The following MRPS6 variants were observed in gnomAD, a reference collection of about 807,000 sequenced individuals.
MRPS6 encodes small ribosomal subunit protein bS6m.
In MRPS6, 6 loss-of-function variants were observed where a neutral mutation model predicts 13.1. The ratio of observed to expected loss-of-function variants is 0.46; its 90% confidence interval spans 0.25 to 0.91. The LOEUF (loss-of-function observed/expected upper bound fraction) is 0.91, where lower values mean the gene tolerates loss of function less well. Among genes scored for constraint, MRPS6 ranks in the 40% least tolerant of loss-of-function variants. The pLI is 0.18. For synonymous variants in MRPS6, 61 were observed against 56.5 expected (o/e 1.08, Z -0.36); for missense variants, 164 against 155.6 (o/e 1.05, Z -0.29).
At chr21:34,100,104 G>T in intron 1 of MRPS6, 2 of 998,986 alleles carry the variant, frequency 2.0e-6, no homozygotes, top group Non-Finnish European at 2.4e-6. Flanking sequence ...CTCAAGCTAA[G>T]GTTCAGAATT....
At chr21:34,098,388 A>T in intron 1 of MRPS6, 1 of 1,000,264 alleles carries the variant, frequency 1.0e-6, no homozygotes, top group Admixed American at 6.1e-5. Context: ...TTAGATCATG[A>T]TATATCAAGG....
At chr21:34,080,015 C>G (rs930304644) in intron 1 of MRPS6, among the ~76,000 whole-genome samples, 1 of 152,190 alleles carries the variant, frequency 6.6e-6, no homozygotes, top group African/African-American at 2.4e-5. Context: ...GCCATATAGT[C>G]TTCTCTGCCC....
chr21:34,142,493 G>A lies in MRPS6; in HGVS notation c.271G>A (p.Gly91Arg). 2 of 1,613,130 alleles carry A rather than the reference G, an allele frequency of 1.2e-6. No individual in the cohort carries two copies. The highest frequency in any genetic ancestry group is 1.7e-6 in the Non-Finnish European group (2 of 1,179,616). The change falls in exon 3 of 3, where the codon GGG becomes AGG. Residue 91 changes from glycine (G) to arginine (R), a missense_variant. Coordinates refer to ENST00000399312, the MANE Select transcript of MRPS6 (RefSeq NM_032476.4). ...GTCTCGAGATATAGATGTGATTAGA[G>A]GGAATATTGTCAAACACCCTCTGAC... ...HLSRDIDVIRGNIVKHPLTQE... is the reference protein window; with the variant it reads ...HLSRDIDVIRRNIVKHPLTQE...
intron 1 of MRPS6, among the ~76,000 whole-genome samples, chr21:34,106,496 T>C (rs190453891): frequency 6.8e-4 from 103 of 152,332 alleles, no homozygotes; most frequent in Non-Finnish European, 1.2e-3. Flanking sequence ...ATATTCTTAA[T>C]TTTTTCACTT....
intron 1 of MRPS6, among the ~76,000 whole-genome samples, chr21:34,078,692 C>G (rs546250549): frequency 6.6e-6 from 1 of 152,024 alleles, no homozygotes; most frequent in Non-Finnish European, 1.5e-5. Context: ...GTTTGTACTA[C>G]TACATGTTTA....
At chr21:34,097,742 ATT>A in intron 1 of MRPS6, 2 of 1,001,162 alleles carry the variant, frequency 2.0e-6, no homozygotes. Context: ...TCATTTCTAA[ATT>A]TTTTTTTCTG....
chr21:34,124,294 G>A (rs1345643331), intron 1 of MRPS6: 3 of 152,120 alleles, frequency 2.0e-5, no homozygotes, highest in Admixed American at 2.0e-4. Context: ...ACCAGATTGT[G>A]GTGCCCTTCT....
At chr21:34,106,171 G>A in intron 1 of MRPS6, 2 of 988,038 alleles carry the variant, frequency 2.0e-6, no homozygotes, top group Non-Finnish European at 2.4e-6. Flanking sequence ...ATTCCTTTCT[G>A]TGGTATTTTG....
intron 1 of MRPS6, chr21:34,099,417 T>G (rs56896967): frequency 0.014 from 14,418 of 1,000,198 alleles, 292 homozygotes; most frequent in South Asian, 0.1. Flanking sequence ...GAACTGTTCT[T>G]CCTTTGGGAC....
Position 34,096,881 on chromosome 21 carries a change from AGAG to A in MRPS6, c.45+23139_45+23141del. On this transcript the variant is annotated intron_variant, in intron 1 of 2. Coordinates refer to ENST00000399312, the MANE Select transcript of MRPS6 (RefSeq NM_032476.4). The surrounding 1 kb of genome is among the most constrained non-coding windows in gnomAD (Gnocchi z 5.9). ...TGGTGAAGGAGAACTGCTCCCCAAAAGAGGAACCATACAAAATGCAAGAAAAGA... is the reference window on the plus strand; with the variant it reads ...TGGTGAAGGAGAACTGCTCCCCAAAAGAACCATACAAAATGCAAGAAAAGA... The A allele has an allele frequency of 1.2e-6, 2 of 1,614,150 alleles. No individual in the cohort carries two copies. Among genetic ancestry groups the A allele is most frequent in the Non-Finnish European group, 1.7e-6 (2 of 1,179,996 alleles).
At chr21:34,125,813 C>T (rs1361997388) in intron 2 of MRPS6, among the ~76,000 whole-genome samples, 3 of 152,156 alleles carry the variant, frequency 2.0e-5, no homozygotes, top group Non-Finnish European at 4.4e-5. Context: ...ACAGTGCTGT[C>T]CACAAACATA....
At chr21:34,085,185 A>G (rs1439933549) in intron 1 of MRPS6, among the ~76,000 whole-genome samples, 1 of 152,328 alleles carries the variant, frequency 6.6e-6, no homozygotes, top group African/African-American at 2.4e-5. Context: ...TTTGTCATTA[A>G]TAACAGTGGC....
chr21:34,085,273 A>G (rs989366690), intron 1 of MRPS6, among the ~76,000 whole-genome samples: 1 of 152,100 alleles, frequency 6.6e-6, no homozygotes, highest in African/African-American at 2.4e-5. Context: ...TTGCGTTTTC[A>G]TGATTAGAGT....
chr21:34,130,256 A>C (rs1319995008), intron 2 of MRPS6, among the ~76,000 whole-genome samples: 1 of 152,250 alleles, frequency 6.6e-6, no homozygotes, highest in East Asian at 1.9e-4. Context: ...AAACTTGTAA[A>C]TACAGGGTTA....
chr21:34,105,881 T>C (rs751266724), intron 1 of MRPS6: 3 of 990,372 alleles, frequency 3.0e-6, no homozygotes, highest in Non-Finnish European at 3.7e-6. Context: ...AGATTTAAGA[T>C]TGTTAAAATC....
chr21:34,138,167 GA>G (rs1351753345), intron 2 of MRPS6, among the ~76,000 whole-genome samples: 2 of 151,852 alleles, frequency 1.3e-5, no homozygotes, highest in African/African-American at 4.8e-5. Context: ...ATTTTTGTCA[GA>G]TGAGTAGGTT....
At chr21:34,122,462 CAA>C (rs1250319604) in intron 1 of MRPS6, 1 of 151,972 alleles carries the variant, frequency 6.6e-6, no homozygotes, top group East Asian at 1.9e-4. Flanking sequence ...TGAAGTCAAA[CAA>C]TTTTTTTTTT....
Position 34,125,169 on chromosome 21 carries a change from A to G in MRPS6, c.46-172A>G, listed in dbSNP as rs1355076132. The G allele has an allele frequency of 7.8e-6, 8 of 1,021,108 alleles. No homozygotes were observed. In the East Asian group the frequency reaches 1.7e-4, roughly 21 times the overall value. 63.3% of individuals were successfully genotyped at this position (1,021,108 alleles called of 1,614,324 possible). A position where few individuals can be genotyped will look rare whatever the true frequency, so the allele number is the denominator to read the frequency against. ...GAGCTATCTCATATCCTTACAATAA[A>G]TTCTCTCTCTCTTTTATTTTAAGTT... On this transcript the variant is annotated intron_variant, in intron 1 of 2. Transcript: ENST00000399312.
intron 1 of MRPS6, among the ~76,000 whole-genome samples, chr21:34,083,748 T>C (rs1453337767): frequency 6.6e-6 from 1 of 152,260 alleles, no homozygotes; most frequent in Non-Finnish European, 1.5e-5. Flanking sequence ...CTCATGGGAA[T>C]GCCATTCTCA....
Sources: gnomAD v4.1 joint callset for allele counts (sites outside exome capture counted in the v4.1 genomes callset) on GRCh38, gnomAD v4.1.1 for gene constraint, Gnocchi (gnomAD v3.1) non-coding constraint, MANE v1.5 for transcripts, NCBI Gene and HGNC (gene_info 2026-07-23, HGNC 2026-07-21) for gene names.